Variants in SOX5 observed in about 807,000 individuals in gnomAD.
SOX5 encodes transcription factor SOX-5.
A neutral mutation model predicts 92.0 loss-of-function variants in SOX5; 9 were observed. The ratio of observed to expected loss-of-function variants is 0.10; its 90% CI spans 0.06 to 0.17. The LOEUF (loss-of-function observed/expected upper bound fraction) is 0.17, where lower values mean the gene tolerates loss of function less well. SOX5 is among the 10% of genes least tolerant of loss of function. The pLI, the probability that SOX5 is intolerant of heterozygous loss-of-function variation, is 1.00. For synonymous variants in SOX5, 344 were observed against 336.3 expected (o/e 1.02, Z -0.25); for missense variants, 642 against 944.5 (o/e 0.68, Z 4.20).
chr12:24,066,079 C>T (rs974519078), intron 4 of SOX5, among the ~76,000 whole-genome samples: 1 of 152,086 alleles, frequency 6.6e-6, no homozygotes, highest in Non-Finnish European at 1.5e-5. Context: ...AATAATTGTG[C>T]ATTAAATGAA....
At chr12:24,117,913 G>A (rs1042300512) in intron 4 of SOX5, among the ~76,000 whole-genome samples, 60 of 151,198 alleles carry the variant, frequency 4.0e-4, no homozygotes, top group African/African-American at 1.4e-3. Flanking sequence ...CCAGATACTC[G>A]GAGACCAAGG....
intron 4 of SOX5, among the ~76,000 whole-genome samples, chr12:24,166,573 A>G (rs1272750763): frequency 6.6e-6 from 1 of 152,032 alleles, no homozygotes; most frequent in African/African-American, 2.4e-5. Context: ...TGAGCAATTA[A>G]CTCCATTCAG....
At chr12:24,449,634 A>T (rs930529114) in intron 1 of SOX5, among the ~76,000 whole-genome samples, 1 of 152,234 alleles carries the variant, frequency 6.6e-6, no homozygotes, top group African/African-American at 2.4e-5. Flanking sequence ...CTGGAAGATA[A>T]TAGTAGTAAA....
intron 4 of SOX5, among the ~76,000 whole-genome samples, chr12:24,057,091 A>T (rs1277034095): frequency 6.6e-6 from 1 of 151,570 alleles, no homozygotes; most frequent in African/African-American, 2.4e-5. Flanking sequence ...TCAGAGGGAG[A>T]TGTACTCCAA....
intron 3 of SOX5, among the ~76,000 whole-genome samples, chr12:24,251,298 T>C (rs2063288844): frequency 6.6e-6 from 1 of 152,218 alleles, no homozygotes; most frequent in African/African-American, 2.4e-5. Context: ...GCCAAAAGTA[T>C]GTTAAGGTTG....
intron 1 of SOX5, among the ~76,000 whole-genome samples, chr12:24,409,683 C>T (rs1963704248): frequency 6.6e-6 from 1 of 152,150 alleles, no homozygotes; most frequent in Non-Finnish European, 1.5e-5. Context: ...AGTTTCTGTA[C>T]ATCCTTGTCA....
In SOX5 at chr12:24,038,290, C is replaced by A. The variant is rs574558566; in HGVS notation, c.-1-142266G>T. ...AGGGATGTGGAATTCACTGGCCCTGCAAACTCATCCCTCCCAGGCTTTCCT... is the reference window on the plus strand; with the variant it reads ...AGGGATGTGGAATTCACTGGCCCTGAAAACTCATCCCTCCCAGGCTTTCCT... On this transcript the variant is annotated intron_variant, in intron 4 of 4. Transcript: ENST00000446891. 3.2e-4 allele frequency among the ~76,000 whole-genome samples: 49 copies of A among 152,244 alleles called. No homozygotes were observed. In the East Asian group the frequency reaches 8.1e-3, roughly 25 times the overall value.
chr12:24,132,734 C>T (rs1317419238), intron 4 of SOX5, among the ~76,000 whole-genome samples: 2 of 152,140 alleles, frequency 1.3e-5, no homozygotes, highest in Admixed American at 6.6e-5. Context: ...AAAAACGCCA[C>T]CACCAAATGA....
At chr12:24,140,372 T>C (rs1950478107) in intron 4 of SOX5, among the ~76,000 whole-genome samples, 2 of 152,162 alleles carry the variant, frequency 1.3e-5, no homozygotes, top group African/African-American at 4.8e-5. Flanking sequence ...TGTGTTCTTA[T>C]AGAAAGAATA....
intron 3 of SOX5, among the ~76,000 whole-genome samples, chr12:24,234,694 T>A (rs1176688743): frequency 6.6e-6 from 1 of 152,182 alleles, no homozygotes; most frequent in Non-Finnish European, 1.5e-5. Context: ...AAATAACACC[T>A]TTTGATGGCT....
intron 1 of SOX5, among the ~76,000 whole-genome samples, chr12:24,414,440 A>G (rs1225317352): frequency 6.6e-6 from 1 of 152,264 alleles, no homozygotes; most frequent in Non-Finnish European, 1.5e-5. Flanking sequence ...GTTGGTTCAC[A>G]GGCTAACTTG....
In SOX5 at chr12:23,660,293, T is replaced by C. The variant is rs142552043; in HGVS notation, c.931+5151A>G. ...TAACATAATAAGACAGGCACAATAT[T>C]AGGCACCAATTCTTAGATAATCTCG... On this transcript the variant is annotated intron_variant, in intron 7 of 14. Transcript: ENST00000451604. Among the ~76,000 whole-genome samples, 424 of 152,336 alleles carry C rather than the reference T, an allele frequency of 2.8e-3. 1 individual carries two copies. The highest frequency in any genetic ancestry group is 9.9e-3 in the African/African-American group (411 of 41,578).
At chr12:23,800,602 C>T (rs2095643114) in intron 3 of SOX5, among the ~76,000 whole-genome samples, 1 of 151,838 alleles carries the variant, frequency 6.6e-6, no homozygotes, top group Admixed American at 6.6e-5. Flanking sequence ...GCAGCTACAC[C>T]ACTAAACTGT....
At chr12:24,070,935 C>T (rs2137434029) in intron 4 of SOX5, among the ~76,000 whole-genome samples, 1 of 152,204 alleles carries the variant, frequency 6.6e-6, no homozygotes, top group Admixed American at 6.5e-5. Context: ...GCTAGTTTTG[C>T]CTAATCACCA....
chr12:23,808,701 CT>C (rs2095824422), intron 3 of SOX5, among the ~76,000 whole-genome samples: 1 of 152,062 alleles, frequency 6.6e-6, no homozygotes, highest in Admixed American at 6.6e-5. Context: ...AGGATACTTG[CT>C]GTTTAACAGT....
chr12:23,713,049 T>A (rs1175117946), intron 6 of SOX5, among the ~76,000 whole-genome samples: 2 of 152,194 alleles, frequency 1.3e-5, no homozygotes, highest in Non-Finnish European at 2.9e-5. Flanking sequence ...TATGAAAGAA[T>A]GAGATAATCT....
intron 3 of SOX5, among the ~76,000 whole-genome samples, chr12:24,271,857 A>G (rs10842304): frequency 0.41 from 62,217 of 152,034 alleles, 15,260 homozygotes; most frequent in East Asian, 0.74. Context: ...TTTCTGAATT[A>G]ACGGAGCTCA....
intron 4 of SOX5, among the ~76,000 whole-genome samples, chr12:23,752,270 T>TA (rs1359348321): frequency 1.3e-5 from 2 of 151,080 alleles, no homozygotes; most frequent in Non-Finnish European, 1.5e-5. Flanking sequence ...AACCAGGCTC[T>TA]AAAAAAACTC....
At chr12:23,595,724 C>T (rs893397103) in intron 9 of SOX5, among the ~76,000 whole-genome samples, 1 of 151,052 alleles carries the variant, frequency 6.6e-6, no homozygotes, top group East Asian at 1.9e-4. Flanking sequence ...TTCAGTGAAA[C>T]CACAAGAAAA....
Sources: allele counts gnomAD v4.1 joint callset (sites outside exome capture counted in the v4.1 genomes callset), GRCh38; gene constraint gnomAD v4.1.1; transcripts MANE v1.5; gene names NCBI Gene and HGNC (gene_info 2026-07-23, HGNC 2026-07-21).